The following POLR1C variants were observed in gnomAD, a reference collection of about 807,000 sequenced individuals.
POLR1C encodes the protein DNA-directed RNA polymerases I and III subunit RPAC1.
POLR1C carries 42 observed loss-of-function variants against 38.3 expected under a neutral mutation model. The ratio of observed to expected loss-of-function variants is 1.10; its 90% CI spans 0.86 to 1.42. POLR1C has a LOEUF of 1.42. POLR1C is among the 40% of genes most tolerant of loss of function. The pLI is 0.00. For missense variants in POLR1C, 507 were observed against 450.5 expected (o/e 1.13, Z -1.14); for synonymous variants, 163 against 163.9 (o/e 0.99, Z 0.04).
In POLR1C at chr6:43,517,170, G is replaced by A. The variant is rs546008690; in HGVS notation, c.61G>A (p.Val21Ile). ...RSRVVLGEFG[V>I]RNVHTTDFPG... ...CCGCGTGGTTCTGGGGGAGTTTGGG[G>A]TTCGCAATGTAAGCCTTGTGGCCTT... The change falls in exon 1 of 9, where the codon GTT becomes ATT. Residue 21 changes from valine to isoleucine, a missense_variant. Val to Ile is a conservative substitution (Grantham distance 29). Coordinates refer to ENST00000642195, the MANE Select transcript of POLR1C (RefSeq NM_203290.4). 17 of 1,614,154 alleles carry A rather than the reference G, an allele frequency of 1.1e-5. No homozygotes were observed. In the South Asian group the frequency reaches 1.6e-4, roughly 16 times the overall value.
chr6:43,523,432 T>A (rs913866930), downstream of POLR1C: 1 of 311,394 alleles, frequency 3.2e-6, no homozygotes, highest in African/African-American at 2.2e-5. Context: ...GGAGTTGGAG[T>A]GGTCCAAGAG....
At chr6:43,552,527 G>GT (rs1795282893) in intron 10 of POLR1C, among the ~76,000 whole-genome samples, 1 of 151,914 alleles carries the variant, frequency 6.6e-6, no homozygotes, top group Non-Finnish European at 1.5e-5. Context: ...TAATTTTTGT[G>GT]TTTTTAGTAG....
At chr6:43,548,316 G>A in intron 9 of POLR1C, 1 of 1,613,394 alleles carries the variant, frequency 6.2e-7, no homozygotes, top group Non-Finnish European at 8.5e-7. Flanking sequence ...AGCTCCTCTA[G>A]GAACACCTTC....
In POLR1C at chr6:43,556,186, G is replaced by A; in HGVS notation, c.*48+5175G>A. 6.2e-6 allele frequency: 3 copies of A among 483,654 alleles called. No individual in the cohort carries two copies. In the South Asian group the frequency reaches 9.8e-5, roughly 16 times the overall value. The allele number at this position is 483,654 out of a possible 1,614,324, so 30.0% of individuals were successfully genotyped here. ...GAAACTGTATTACCAGCTAGATCCT[G>A]TAAGTGGCAAACTAAACTTAGTCTC... On this transcript the variant is annotated intron_variant, in intron 10 of 10. Coordinates refer to the POLR1C transcript ENST00000607635.
intron 9 of POLR1C, chr6:43,538,796 C>T: frequency 3.8e-6 from 3 of 783,688 alleles, no homozygotes; most frequent in Non-Finnish European, 5.8e-6. Context: ...ACGCTTAATT[C>T]ACTTTATTTT....
intron 9 of POLR1C, chr6:43,539,710 T>A (rs1439759850): frequency 3.0e-6 from 2 of 672,240 alleles, no homozygotes; most frequent in Non-Finnish European, 5.0e-6. Context: ...CCATTTGGTG[T>A]TTTCTCGGAG....
At chr6:43,556,708 C>A in intron 10 of POLR1C, among the ~76,000 whole-genome samples, 1 of 151,912 alleles carries the variant, frequency 6.6e-6, no homozygotes. Flanking sequence ...CTAAACAAAA[C>A]CTTGTATATA....
At chr6:43,553,452 G>C in intron 10 of POLR1C, 1 of 1,588,770 alleles carries the variant, frequency 6.3e-7, no homozygotes, top group Non-Finnish European at 8.6e-7. Flanking sequence ...CACGAATGAA[G>C]GTGAGAAGAC....
At chr6:43,545,391 A>G (rs1478417367) in intron 9 of POLR1C, among the ~76,000 whole-genome samples, 1 of 152,110 alleles carries the variant, frequency 6.6e-6, no homozygotes, top group Non-Finnish European at 1.5e-5. Flanking sequence ...ACTGAAACAG[A>G]GCTCTAACAA....
intron 9 of POLR1C, among the ~76,000 whole-genome samples, chr6:43,541,162 C>T (rs1007160969): frequency 6.6e-6 from 1 of 151,930 alleles, no homozygotes; most frequent in African/African-American, 2.4e-5. Context: ...AAAAAACCCA[C>T]AAAGAATGAA....
At chr6:43,539,162 G>T in intron 9 of POLR1C, 2 of 1,093,898 alleles carry the variant, frequency 1.8e-6, no homozygotes, top group Admixed American at 3.9e-5. Context: ...CACCTTGCAG[G>T]GGACGGTGTG....
chr6:43,556,355 C>G (rs1762088440), intron 10 of POLR1C, among the ~76,000 whole-genome samples: 2 of 151,930 alleles, frequency 1.3e-5, no homozygotes, highest in African/African-American at 4.8e-5. Context: ...GAGACCCAGT[C>G]TCTACCAAAA....
At chr6:43,524,961 G>A (rs1286103143), downstream of POLR1C, 1 of 1,613,120 alleles carries the variant, frequency 6.2e-7, no homozygotes, top group Non-Finnish European at 8.5e-7. Context: ...CAGTGTCCCT[G>A]ACAGCACCTG....
At position 43,519,816 on chromosome 6, in the gene POLR1C, T is replaced by C. The variant is rs1582181278; in HGVS notation, c.360T>C (p.Arg120=). 1 of 1,614,188 alleles carries C rather than the reference T, an allele frequency of 6.2e-7. No homozygotes were observed. The highest frequency in any genetic ancestry group is 2.2e-5 in the East Asian group (1 of 44,892). The change falls in exon 4 of 9, where the codon CGT becomes CGC. Residue 120 remains arginine (R), a synonymous_variant. Transcript: ENST00000642195. Reference sequence around the variant, plus strand: ...TCATTCCCATTCATGCTGATCCCCGTCTTTTTGAGTATCGGAACCAAGGTG... The same window carrying C: ...TCATTCCCATTCATGCTGATCCCCGCCTTTTTGAGTATCGGAACCAAGGTG... The part of the protein sequence containing the change: ...LGLIPIHADP[R]LFEYRNQGDE...
At chr6:43,520,553 AGT>A in intron 6 of POLR1C, 70 bp from the exon 7 acceptor site, 1 of 1,602,256 alleles carries the variant, frequency 6.2e-7, no homozygotes, top group Non-Finnish European at 8.6e-7. Flanking sequence ...TTTTGCTGTT[AGT>A]AGCTTAGGAG....
downstream of POLR1C, chr6:43,524,780 G>C (rs370617750): frequency 2.1e-4 from 334 of 1,608,054 alleles, no homozygotes; most frequent in Non-Finnish European, 2.4e-4. Context: ...ACTAGGAGCA[G>C]ACTGAGTGAT....
At chr6:43,522,989 A>AC (rs1171845999), downstream of POLR1C, 1 of 168,584 alleles carries the variant, frequency 5.9e-6, no homozygotes, top group African/African-American at 2.4e-5. Flanking sequence ...ACCTGGACTT[A>AC]GTCCTAGGAG....
rs942385093 is a variant in POLR1C, at chr6:43,521,499, A to G, written c.*199A>G. On this transcript the variant is annotated 3_prime_UTR_variant, in exon 9 of 9. Transcript: ENST00000642195. ...TAAGGCCTTAGATGTAAATAAACTC[A>G]CCCAAACAAAAAAACTTTTTGAGAC... The G allele has an allele frequency of 4.4e-6, 6 of 1,354,774 alleles. No individual in the cohort carries two copies. The highest frequency in any genetic ancestry group is 1.5e-5 in the African/African-American group (1 of 67,786). The allele number at this position is 1,354,774 out of a possible 1,614,324, so 83.9% of individuals were successfully genotyped here.
At chr6:43,527,445 TGTATTATTA>T in intron 8 of POLR1C, 1 of 538,874 alleles carries the variant, frequency 1.9e-6, no homozygotes, top group Non-Finnish European at 3.3e-6. Context: ...AGCTAATTTT[TGTATTATTA>T]GTAGAGACAG....
Sources: allele counts gnomAD v4.1 joint callset (sites outside exome capture counted in the v4.1 genomes callset), GRCh38; gene constraint gnomAD v4.1.1; transcripts MANE v1.5; gene names NCBI Gene and HGNC (gene_info 2026-07-23, HGNC 2026-07-21).